Variants in GRAMD4 observed in about 807,000 individuals in gnomAD.
GRAMD4 encodes the protein GRAM domain containing 4, also known as GRAM domain-containing protein 4.
GRAMD4 carries 25 observed loss-of-function variants against 83.9 expected under a neutral mutation model. That is an observed-to-expected ratio of 0.30 (90% CI 0.22 to 0.42). The LOEUF is 0.42. GRAMD4 is among the 10% of genes least tolerant of loss of function. GRAMD4 has a pLI of 1.00. For synonymous variants in GRAMD4, 336 were observed against 320.9 expected (o/e 1.05, Z -0.50); for missense variants, 593 against 788.7 (o/e 0.75, Z 2.97).
intron 2 of GRAMD4, among the ~76,000 whole-genome samples, chr22:46,637,259 T>TTTA (rs2081904800): frequency 1.3e-5 from 2 of 150,462 alleles, no homozygotes; most frequent in African/African-American, 4.9e-5. Context: ...CAGTTCCCTT[T>TTTA]TTTTTTTTTT....
chr22:46,597,473 A>G (rs758875065), intron 1 of GRAMD4, among the ~76,000 whole-genome samples: 7 of 151,918 alleles, frequency 4.6e-5, no homozygotes, highest in Admixed American at 6.6e-5. Context: ...GCCTGGTTTC[A>G]TTTATCTATC....
At chr22:46,592,748 G>T (rs183833056) in intron 1 of GRAMD4, among the ~76,000 whole-genome samples, 1 of 152,106 alleles carries the variant, frequency 6.6e-6, no homozygotes, top group Non-Finnish European at 1.5e-5. Flanking sequence ...GGCTGACACC[G>T]CGCCCGGCAC....
At chr22:46,583,001 C>A (rs1364276473) in intron 1 of GRAMD4, among the ~76,000 whole-genome samples, 1 of 152,156 alleles carries the variant, frequency 6.6e-6, no homozygotes, top group Non-Finnish European at 1.5e-5. Flanking sequence ...CTCAGCTCAC[C>A]ACAACCTCCG....
chr22:46,639,322 G>A lies in GRAMD4; in HGVS notation c.283+1362G>A, dbSNP rs1379385615. ...TGTGCAGCGGTGGTTAACCCTGTGTGTGTGTGCACGTGTGTGGTGGTTAAC... is the reference window on the plus strand; with the variant it reads ...TGTGCAGCGGTGGTTAACCCTGTGTATGTGTGCACGTGTGTGGTGGTTAAC... On this transcript the variant is annotated intron_variant, in intron 3 of 18. Transcript: ENST00000406902. Among the ~76,000 whole-genome samples, 5 of 134,816 alleles carry A rather than the reference G, an allele frequency of 3.7e-5. No individual in the cohort carries two copies. In the East Asian group the frequency reaches 7.8e-4, roughly 21 times the overall value. 88.4% of individuals were successfully genotyped at this position (134,816 alleles called of 152,430 possible). A position where few individuals can be genotyped will look rare whatever the true frequency, so the allele number is the denominator to read the frequency against.
chr22:46,594,043 ATAATG>A lies in GRAMD4; in HGVS notation c.-50+16759_-50+16763del, dbSNP rs932137489. On this transcript the variant is annotated intron_variant, in intron 1 of 1. Coordinates refer to the GRAMD4 transcript ENST00000431155. ...CCCAGCCATATTTTCGTTATTTTTAATAATGTAATGGGAACCTCTGGGCTCACCGT... is the reference window on the plus strand; with the variant it reads ...CCCAGCCATATTTTCGTTATTTTTAATAATGGGAACCTCTGGGCTCACCGT... Among the ~76,000 whole-genome samples, 58 of 151,694 alleles carry A rather than the reference ATAATG, an allele frequency of 3.8e-4. 1 individual carries two copies. The highest frequency in any genetic ancestry group is 1.7e-3 in the South Asian group (8 of 4,810).
chr22:46,623,382 T>C (rs1422235678), intron 1 of GRAMD4, among the ~76,000 whole-genome samples: 1 of 152,178 alleles, frequency 6.6e-6, no homozygotes, highest in East Asian at 1.9e-4. Flanking sequence ...TAGTTTCCTT[T>C]CTTTATTTTA....
intron 10 of GRAMD4, 106 bp from the exon 11 acceptor site, chr22:46,667,990 G>A (rs549322904): frequency 2.6e-6 from 2 of 759,862 alleles, no homozygotes; most frequent in Non-Finnish European, 4.5e-6. Context: ...TGGCTGTGTG[G>A]GGACAGCAGA....
Position 46,672,314 on chromosome 22 carries a change from GCTGGGAGCCGT to G in GRAMD4, c.1085-525_1085-515del, listed in dbSNP as rs1326575381. 2.0e-5 allele frequency among the ~76,000 whole-genome samples: 3 copies of G among 152,064 alleles called. No homozygotes were observed. The highest frequency in any genetic ancestry group is 7.2e-5 in the African/African-American group (3 of 41,402). ...GTGGAGGGGAACTTGCGAGGGCGTG[GCTGGGAGCCGT>G]CTGAGCAGCTGGTCATGGGCGGCCT... On this transcript the variant is annotated intron_variant, in intron 13 of 18. Transcript: ENST00000406902. This position sits in a 1 kb window ranked among gnomAD's most constrained non-coding sequence, Gnocchi z 4.7.
downstream of GRAMD4, among the ~76,000 whole-genome samples, chr22:46,680,860 A>AT (rs2082666427): frequency 7.0e-5 from 1 of 14,196 alleles, no homozygotes; most frequent in Non-Finnish European, 1.3e-4. Context: ...CTTTCCACCC[A>AT]CCCACCCACC....
intron 1 of GRAMD4, among the ~76,000 whole-genome samples, chr22:46,598,348 T>C (rs866846126): frequency 6.6e-6 from 1 of 151,994 alleles, no homozygotes; most frequent in South Asian, 2.1e-4. Context: ...CTTGCTGCTC[T>C]GGTAAGTGGA....
intron 3 of GRAMD4, among the ~76,000 whole-genome samples, chr22:46,643,585 G>A (rs2082022565): frequency 6.6e-6 from 1 of 152,176 alleles, no homozygotes; most frequent in Non-Finnish European, 1.5e-5. Flanking sequence ...GTCCTTTGTA[G>A]CAAAAGACAG....
At chr22:46,637,662 G>A (rs574085257) in intron 2 of GRAMD4, among the ~76,000 whole-genome samples, 178 bp from the exon 3 acceptor site, 9 of 152,318 alleles carry the variant, frequency 5.9e-5, no homozygotes, top group African/African-American at 2.2e-4. Context: ...TATGCTGGGG[G>A]CTCCGTCGCC....
At chr22:46,668,621 T>G in intron 11 of GRAMD4, 68 bp from the exon 12 acceptor site, 4 of 1,450,238 alleles carry the variant, frequency 2.8e-6, no homozygotes, top group South Asian at 2.3e-5. Flanking sequence ...GAGGCCCTCC[T>G]GGCGTCGCGG....
chr22:46,597,873 G>T (rs541858697), intron 1 of GRAMD4, among the ~76,000 whole-genome samples: 43 of 152,260 alleles, frequency 2.8e-4, no homozygotes, highest in Non-Finnish European at 5.3e-4. Flanking sequence ...GTGACACGTT[G>T]GTTTTGTTTT....
chr22:46,652,558 C>T (rs1019160454), intron 3 of GRAMD4, among the ~76,000 whole-genome samples: 2 of 152,156 alleles, frequency 1.3e-5, no homozygotes, highest in South Asian at 4.1e-4. Flanking sequence ...TGTGTGGCCT[C>T]GCTCCCACCC....
chr22:46,663,913 G>A lies in GRAMD4; in HGVS notation c.625+50G>A, dbSNP rs760603161. ...CGCCCACGATGCTCAGTGTGGGTGG[G>A]GCCCATGGCGGTGGGGACTCTGGGA... On this transcript the variant is annotated intron_variant, in intron 7 of 18. Transcript: ENST00000406902. 13 of 1,602,126 alleles carry A rather than the reference G, an allele frequency of 8.1e-6. No individual in the cohort carries two copies. The Middle Eastern group carries it at 6.6e-4, about 81-fold the overall frequency.
At chr22:46,582,106 C>T (rs1211826759) in intron 1 of GRAMD4, among the ~76,000 whole-genome samples, 2 of 151,992 alleles carry the variant, frequency 1.3e-5, no homozygotes, top group Non-Finnish European at 2.9e-5. Flanking sequence ...CATGGGTGGT[C>T]GAGGAGTGAG....
At chr22:46,636,041 C>T (rs1401605895) in intron 2 of GRAMD4, among the ~76,000 whole-genome samples, 1 of 152,150 alleles carries the variant, frequency 6.6e-6, no homozygotes, top group Non-Finnish European at 1.5e-5. Flanking sequence ...TTCATGGGGA[C>T]GTTTAGCCCC....
upstream of GRAMD4, chr22:46,620,280 T>C: frequency 1.0e-6 from 1 of 984,770 alleles, no homozygotes; most frequent in Non-Finnish European, 1.2e-6. This position sits in a 1 kb window ranked among gnomAD's most constrained non-coding sequence, Gnocchi z 4.7. Flanking sequence ...CCCAATTCCG[T>C]CCTGCTTGCA....
Sources: gnomAD v4.1 joint callset for allele counts (sites outside exome capture counted in the v4.1 genomes callset) on GRCh38, gnomAD v4.1.1 for gene constraint, Gnocchi (gnomAD v3.1) non-coding constraint, MANE v1.5 for transcripts, NCBI Gene and HGNC (gene_info 2026-07-23, HGNC 2026-07-21) for gene names.